FAM107B: variants seen among roughly 807,000 people sequenced by gnomAD.
FAM107B encodes family with sequence similarity 107 member B.
Under a neutral mutation model 31.5 loss-of-function variants are expected in FAM107B, and 21 were observed. That is an observed-to-expected ratio of 0.67 (90% CI 0.47 to 0.96). FAM107B has a LOEUF of 0.96. Ranked by LOEUF, FAM107B falls within the 40% of genes least tolerant of loss-of-function variation. FAM107B has a pLI of 0.00. For missense variants in FAM107B, 452 were observed against 377.1 expected (o/e 1.20, Z -1.64); for synonymous variants, 157 against 141.5 (o/e 1.11, Z -0.78).
intron 2 of FAM107B, among the ~76,000 whole-genome samples, chr10:14,605,836 C>T (rs909783168): frequency 3.3e-5 from 5 of 152,192 alleles, no homozygotes; most frequent in African/African-American, 4.8e-5. Flanking sequence ...AAACTCTCTC[C>T]CTCCCCACAT....
chr10:14,533,592 C>T (rs1362618484), intron 2 of FAM107B, among the ~76,000 whole-genome samples: 1 of 152,216 alleles, frequency 6.6e-6, no homozygotes, highest in Non-Finnish European at 1.5e-5. Context: ...TTTGCCTGCC[C>T]TCCGCTTTCC....
intron 2 of FAM107B, among the ~76,000 whole-genome samples, chr10:14,551,075 AC>A (rs1849218610): frequency 2.0e-5 from 3 of 152,248 alleles, no homozygotes. Context: ...AAAATGTAGC[AC>A]AAAGGCCATG....
chr10:14,526,996 C>G (rs916614101), intron 3 of FAM107B, among the ~76,000 whole-genome samples: 8 of 152,048 alleles, frequency 5.3e-5, no homozygotes, highest in Admixed American at 6.5e-5. Context: ...CACCAACACG[C>G]CCAGCTAATT....
chr10:14,737,551 T>G (rs1411571809), intron 1 of FAM107B, among the ~76,000 whole-genome samples: 2 of 151,670 alleles, frequency 1.3e-5, no homozygotes, highest in African/African-American at 2.4e-5. Context: ...GAGAAGGAGG[T>G]TGCAGTGAGC....
intron 2 of FAM107B, among the ~76,000 whole-genome samples, chr10:14,547,077 C>T (rs976450144): frequency 2.0e-5 from 3 of 152,226 alleles, no homozygotes; most frequent in African/African-American, 7.2e-5. Flanking sequence ...ATTCCACCTT[C>T]AAATCACCCA....
intron 1 of FAM107B, among the ~76,000 whole-genome samples, chr10:14,736,882 T>C (rs1025909773): frequency 1.3e-5 from 2 of 152,206 alleles, no homozygotes; most frequent in African/African-American, 4.8e-5. Flanking sequence ...GGTTTAGAGC[T>C]GCAGAGAGAC....
chr10:14,764,488 G>A (rs1230115218), intron 1 of FAM107B, among the ~76,000 whole-genome samples: 7 of 152,174 alleles, frequency 4.6e-5, no homozygotes, highest in Non-Finnish European at 1.5e-5. Flanking sequence ...GATGTCCTTT[G>A]TGGAGGATTC....
chr10:14,667,696 G>A lies in FAM107B; in HGVS notation c.412-5C>T. On this transcript the variant is annotated splice_region_variant and splice_polypyrimidine_tract_variant and intron_variant, in intron 1 of 4. Coordinates refer to ENST00000181796, the MANE Select transcript of FAM107B (RefSeq NM_031453.4). ...TTCTTCTCGAAATTCTTCTTCCTAA[G>A]CGCCAGCCCCATAAACCAGAAAAGC... The A allele has an allele frequency of 6.2e-7, 1 of 1,614,074 alleles. No individual in the cohort carries two copies.
intron 1 of FAM107B, among the ~76,000 whole-genome samples, chr10:14,750,622 A>G (rs1340292213): frequency 6.6e-6 from 1 of 152,006 alleles, no homozygotes; most frequent in African/African-American, 2.4e-5. Flanking sequence ...AAAAACAATA[A>G]AATAGCACTG....
chr10:14,706,157 G>C (rs1855514445), intron 1 of FAM107B, among the ~76,000 whole-genome samples: 1 of 152,206 alleles, frequency 6.6e-6, no homozygotes, highest in African/African-American at 2.4e-5. Context: ...CATGGAGGCT[G>C]TGCACAAACT....
intron 2 of FAM107B, among the ~76,000 whole-genome samples, chr10:14,610,317 TG>T (rs1470799264): frequency 2.0e-5 from 3 of 151,940 alleles, no homozygotes; most frequent in Non-Finnish European, 4.4e-5. Context: ...CACTCCAGCC[TG>T]GGTGACAGAG....
intron 2 of FAM107B, among the ~76,000 whole-genome samples, chr10:14,574,613 C>T (rs552915759): frequency 2.0e-5 from 3 of 152,094 alleles, no homozygotes; most frequent in Non-Finnish European, 4.4e-5. Flanking sequence ...GGCCAAGAGA[C>T]GAGACTGAGA....
intron 1 of FAM107B, among the ~76,000 whole-genome samples, chr10:14,698,502 G>A (rs1855319723): frequency 6.6e-6 from 1 of 152,188 alleles, no homozygotes; most frequent in South Asian, 2.1e-4. Context: ...TATGTGCATT[G>A]CACATCATCA....
intron 4 of FAM107B, 150 bp downstream of exon 4, chr10:14,521,719 T>C: frequency 1.7e-6 from 2 of 1,208,106 alleles, no homozygotes; most frequent in South Asian, 1.5e-5. Flanking sequence ...TTGAACATAT[T>C]TGACCCCATT....
chr10:14,755,639 G>T (rs900735182), intron 1 of FAM107B, among the ~76,000 whole-genome samples: 2 of 152,008 alleles, frequency 1.3e-5, no homozygotes, highest in African/African-American at 4.8e-5. Context: ...TCTCACCATT[G>T]ATTCCTTTTT....
intron 1 of FAM107B, among the ~76,000 whole-genome samples, chr10:14,760,325 G>A (rs1304017562): frequency 1.3e-5 from 2 of 152,142 alleles, no homozygotes; most frequent in Non-Finnish European, 2.9e-5. Context: ...CAGTTTTCCG[G>A]TTTGCAAAAT....
rs940700995 is a variant in FAM107B, at chr10:14,686,357, C to T, written c.412-18666G>A. Among the ~76,000 whole-genome samples the T allele has an allele frequency of 1.4e-4, 21 of 150,242 alleles. No homozygotes were observed. The Admixed American group carries it at 1.4e-3, about 10-fold the overall frequency. Reference sequence around the variant, plus strand: ...TGAGCTGAGATTGCACCACTGGACTCCAGCCTAGGCGACAGAGCAAGACTC... The same window carrying T: ...TGAGCTGAGATTGCACCACTGGACTTCAGCCTAGGCGACAGAGCAAGACTC... On this transcript the variant is annotated intron_variant, in intron 1 of 4. Coordinates refer to ENST00000181796, the MANE Select transcript of FAM107B (RefSeq NM_031453.4).
intron 1 of FAM107B, among the ~76,000 whole-genome samples, chr10:14,772,244 C>T (rs1833320645): frequency 6.6e-6 from 1 of 152,034 alleles, no homozygotes; most frequent in Non-Finnish European, 1.5e-5. Flanking sequence ...GTCCCAGCCA[C>T]TCGTGGGGCT....
chr10:14,655,955 A>G (rs1165394088), intron 2 of FAM107B, among the ~76,000 whole-genome samples: 1 of 152,144 alleles, frequency 6.6e-6, no homozygotes, highest in Non-Finnish European at 1.5e-5. Flanking sequence ...CAGGTGCCAG[A>G]AGTGGGGTCA....
Sources: gnomAD v4.1 joint callset for allele counts (sites outside exome capture counted in the v4.1 genomes callset) on GRCh38, gnomAD v4.1.1 for gene constraint, MANE v1.5 for transcripts, NCBI Gene and HGNC (gene_info 2026-07-23, HGNC 2026-07-21) for gene names.